PROCR: variants seen among roughly 807,000 people sequenced by gnomAD.
PROCR encodes the protein protein C receptor, also known as endothelial protein C receptor.
PROCR carries 22 observed loss-of-function variants against 24.2 expected under a neutral mutation model. The ratio of observed to expected loss-of-function variants is 0.91; its 90% CI spans 0.65 to 1.30. The LOEUF is 1.30. PROCR is among the 50% of genes most tolerant of loss of function. The pLI, the probability that PROCR is intolerant of heterozygous loss-of-function variation, is 0.00. For synonymous variants in PROCR, 137 were observed against 139.2 expected (o/e 0.98, Z 0.11); for missense variants, 288 against 307.7 (o/e 0.94, Z 0.48).
intron 1 of PROCR, among the ~76,000 whole-genome samples, chr20:35,214,913 T>TC (rs1479750634): frequency 7.4e-6 from 1 of 135,418 alleles, no homozygotes; most frequent in Middle Eastern, 3.5e-3. Context: ...TTTTCTTTTT[T>TC]TTTTTTTTTT....
At chr20:35,189,590 A>C (rs1035844105) in intron 1 of PROCR, among the ~76,000 whole-genome samples, 2 of 150,090 alleles carry the variant, frequency 1.3e-5, no homozygotes, top group Admixed American at 6.7e-5. Context: ...CTATTCGTAC[A>C]CTCCCTCCCC....
At chr20:35,189,806 C>G (rs1460198998) in intron 1 of PROCR, among the ~76,000 whole-genome samples, 1 of 152,150 alleles carries the variant, frequency 6.6e-6, no homozygotes. Flanking sequence ...CCCCAATACC[C>G]TTGTTCATCT....
At chr20:35,183,492 G>A (rs1336983960) in intron 1 of PROCR, among the ~76,000 whole-genome samples, 1 of 152,100 alleles carries the variant, frequency 6.6e-6, no homozygotes, top group African/African-American at 2.4e-5. Context: ...GAAGATGCTG[G>A]TGCCATGCTT....
chr20:35,172,953 C>T (rs2085964619), intron 1 of PROCR, among the ~76,000 whole-genome samples: 1 of 152,148 alleles, frequency 6.6e-6, no homozygotes, highest in South Asian at 2.1e-4. Flanking sequence ...TTAACTTGCA[C>T]AAACCCCTAA....
At chr20:35,171,148 A>G (rs1467205587), upstream of PROCR, among the ~76,000 whole-genome samples, 1 of 152,098 alleles carries the variant, frequency 6.6e-6, no homozygotes, top group Non-Finnish European at 1.5e-5. Context: ...TGATCTGCCC[A>G]CCTCGGCCTC....
Position 35,176,361 on chromosome 20 carries a change from C to T in PROCR, c.516C>T (p.Asn172=), listed in dbSNP as rs1168780145. 1 of 1,614,232 alleles carries T rather than the reference C, an allele frequency of 6.2e-7. No individual in the cohort carries two copies. The highest frequency in any genetic ancestry group is 8.5e-7 in the Non-Finnish European group (1 of 1,180,040). Residue 172 remains asparagine, a synonymous_variant, in exon 3 of 4, where the codon AAC becomes AAT. Transcript: ENST00000216968. ...TFTLQQLNAY[N]RTRYELREFL... Reference sequence around the variant, plus strand: ...CCCTGCAGCAGCTCAATGCCTACAACCGCACTCGGTATGAACTGCGGGAAT... The same window carrying T: ...CCCTGCAGCAGCTCAATGCCTACAATCGCACTCGGTATGAACTGCGGGAAT...
rs776455706 is a variant in PROCR at position 35,174,800 on chromosome 20, G to A, written c.169G>A (p.Val57Met). 3 of 1,613,964 alleles carry A rather than the reference G, an allele frequency of 1.9e-6. No homozygotes were observed. Among genetic ancestry groups the A allele is most frequent in the African/African-American group, 1.3e-5 (1 of 74,878 alleles). The change falls in exon 2 of 4, where the codon GTG becomes ATG. Residue 57 changes from valine (V) to methionine (M), a missense_variant. Physicochemically the swap from Val to Met is conservative, Grantham distance 21. Coordinates refer to ENST00000216968, the MANE Select transcript of PROCR (RefSeq NM_006404.5). ...GTCGCTGGGGGGACACCTAACGCACGTGCTGGAAGGCCCAGACACCAACAC... is the reference window on the plus strand; with the variant it reads ...GTCGCTGGGGGGACACCTAACGCACATGCTGGAAGGCCCAGACACCAACAC... Reference protein sequence around the residue: ...NASLGGHLTHVLEGPDTNTTI... With the variant: ...NASLGGHLTHMLEGPDTNTTI...
intron 1 of PROCR, among the ~76,000 whole-genome samples, chr20:35,209,902 T>C (rs1371653564): frequency 6.6e-6 from 1 of 152,162 alleles, no homozygotes; most frequent in Non-Finnish European, 1.5e-5. Context: ...CTTCATAGTC[T>C]TTTGCTCACA....
intron 1 of PROCR, among the ~76,000 whole-genome samples, chr20:35,172,681 G>A (rs1009526568): frequency 5.3e-5 from 8 of 152,238 alleles, no homozygotes; most frequent in South Asian, 2.1e-4. Flanking sequence ...GGAGGCTAGG[G>A]AAAATGGAAG....
intron 1 of PROCR, among the ~76,000 whole-genome samples, chr20:35,192,728 A>G (rs1001848737): frequency 3.3e-5 from 5 of 151,970 alleles, no homozygotes; most frequent in African/African-American, 1.2e-4. Flanking sequence ...TGCTCTTTCT[A>G]TTTGTACTTA....
At chr20:35,201,687 C>CA (rs376935385) in intron 1 of PROCR, 61,160 of 145,768 alleles carry the variant, frequency 0.42, 13,064 homozygotes, top group East Asian at 0.63. Context: ...GATTCCATTT[C>CA]AAAAAAAAAA....
At chr20:35,189,949 T>C (rs1234494306) in intron 1 of PROCR, among the ~76,000 whole-genome samples, 1 of 152,232 alleles carries the variant, frequency 6.6e-6, no homozygotes, top group African/African-American at 2.4e-5. Flanking sequence ...TTACTGATAA[T>C]AATCCCTCGC....
chr20:35,174,684 A>C lies in PROCR; in HGVS notation c.71-18A>C, dbSNP rs2085988149. 1.2e-6 allele frequency: 2 copies of C among 1,613,716 alleles called. No individual in the cohort carries two copies. The highest frequency in any genetic ancestry group is 8.5e-7 in the Non-Finnish European group (1 of 1,179,986). On this transcript the variant is annotated intron_variant, in intron 1 of 3. Coordinates refer to ENST00000216968, the MANE Select transcript of PROCR (RefSeq NM_006404.5). ...CCCCTCCCACGCCGGCCCAGGCTGA[A>C]GCTGACTCTGCCCGCAGGCCTCCAA...
intron 1 of PROCR, among the ~76,000 whole-genome samples, chr20:35,212,321 G>C (rs1448105808): frequency 6.6e-6 from 1 of 152,200 alleles, no homozygotes; most frequent in Non-Finnish European, 1.5e-5. Flanking sequence ...TCATGGACTT[G>C]TGACCTCTGT....
chr20:35,210,189 A>G (rs2060356461), intron 1 of PROCR, among the ~76,000 whole-genome samples: 1 of 151,896 alleles, frequency 6.6e-6, no homozygotes, highest in South Asian at 2.1e-4. Flanking sequence ...TCATGCCACT[A>G]TACTTCTACC....
intron 1 of PROCR, among the ~76,000 whole-genome samples, chr20:35,205,752 A>AATATATATATAT (rs200029202): frequency 0.017 from 1,689 of 102,020 alleles, 23 homozygotes; most frequent in African/African-American, 0.027. Context: ...ACTCTGTCTA[A>AATATATATATAT]ATATATATAT....
At chr20:35,172,319 GCA>G (rs2085959379) in intron 1 of PROCR, 95 bp downstream of exon 1, 1 of 1,439,306 alleles carries the variant, frequency 6.9e-7, no homozygotes, top group African/African-American at 1.4e-5. Flanking sequence ...TTATCTCACA[GCA>G]TCTGTGTCTG....
chr20:35,189,340 C>A (rs1189574162), intron 1 of PROCR, among the ~76,000 whole-genome samples: 1 of 152,182 alleles, frequency 6.6e-6, no homozygotes, highest in African/African-American at 2.4e-5. Context: ...ATGAAACACA[C>A]CCTGGTCTCC....
At chr20:35,215,995 C>T (rs779227555) in exon 2 of PROCR, 11 of 449,656 alleles carry the variant, frequency 2.4e-5, no homozygotes, top group Non-Finnish European at 2.6e-5. Context: ...GTTGGGAGTT[C>T]GAGACCAGCA....
Sources: allele counts gnomAD v4.1 joint callset (sites outside exome capture counted in the v4.1 genomes callset), GRCh38; gene constraint gnomAD v4.1.1; transcripts MANE v1.5; gene names NCBI Gene and HGNC (gene_info 2026-07-23, HGNC 2026-07-21).